The following EIF5B variants were observed in gnomAD, a reference collection of about 807,000 sequenced individuals.
The protein encoded by EIF5B is eukaryotic translation initiation factor 5B.
In EIF5B, 47 loss-of-function variants were observed where a neutral mutation model predicts 147.5. The observed-to-expected ratio is 0.32, with a 90% CI of 0.25 to 0.41. EIF5B has a LOEUF of 0.41. Among genes scored for constraint, EIF5B ranks in the 10% least tolerant of loss-of-function variants. The probability of loss-of-function intolerance (pLI) is 1.00; values close to 1 mark genes in which losing one functional copy is unlikely to be tolerated. For synonymous variants in EIF5B, 455 were observed against 456.2 expected (o/e 1.00, Z 0.03); for missense variants, 1,064 against 1,413.2 (o/e 0.75, Z 3.96).
intron 1 of EIF5B, 88 bp downstream of exon 1, chr2:99,337,677 C>T: frequency 6.8e-7 from 1 of 1,480,946 alleles, no homozygotes; most frequent in South Asian, 1.3e-5. Context: ...GGACCGGGGT[C>T]TGGGCTCGCG....
Position 99,394,703 on chromosome 2 carries a change from T to C in EIF5B, c.3090-16T>C. The C allele has an allele frequency of 6.2e-7, 1 of 1,608,878 alleles. No homozygotes were observed. The highest frequency in any genetic ancestry group is 8.5e-7 in the Non-Finnish European group (1 of 1,178,070). On this transcript the variant is annotated splice_polypyrimidine_tract_variant and intron_variant, in intron 20 of 23. Transcript: ENST00000289371. ...GTTTTTCACTGAATGGTCTTTGATGTGTTTTAACCTTTTAGGTATGCAGTA... is the reference window on the plus strand; with the variant it reads ...GTTTTTCACTGAATGGTCTTTGATGCGTTTTAACCTTTTAGGTATGCAGTA...
At chr2:99,397,826 C>T (rs924836595) in intron 22 of EIF5B, 2 of 152,182 alleles carry the variant, frequency 1.3e-5, no homozygotes, top group East Asian at 1.9e-4. Flanking sequence ...TTGCCTAAGT[C>T]AACTATTACG....
chr2:99,396,539 CTT>C (rs1213043932), intron 21 of EIF5B, among the ~76,000 whole-genome samples: 1 of 152,154 alleles, frequency 6.6e-6, no homozygotes, highest in Non-Finnish European at 1.5e-5. Context: ...AAAGCAAAGA[CTT>C]GGGAAGCAAC....
At chr2:99,366,088 TACAC>T (rs3838486) in intron 6 of EIF5B, among the ~76,000 whole-genome samples, 2 of 151,846 alleles carry the variant, frequency 1.3e-5, no homozygotes, top group Non-Finnish European at 2.9e-5. Flanking sequence ...ACTAAGCATA[TACAC>T]ACACACACAT....
chr2:99,344,270 G>A (rs938233214), intron 1 of EIF5B, among the ~76,000 whole-genome samples: 5 of 152,144 alleles, frequency 3.3e-5, no homozygotes, highest in African/African-American at 1.2e-4. Flanking sequence ...ATTTGTTGAA[G>A]AGAAGATTTC....
intron 12 of EIF5B, among the ~76,000 whole-genome samples, chr2:99,379,735 T>C (rs1165581230): frequency 2.0e-5 from 3 of 152,214 alleles, no homozygotes; most frequent in African/African-American, 7.2e-5. Flanking sequence ...TTTAAAATTT[T>C]GTTTCCTTCT....
intron 10 of EIF5B, among the ~76,000 whole-genome samples, chr2:99,378,531 A>G (rs1349390897): frequency 6.6e-6 from 1 of 152,226 alleles, no homozygotes; most frequent in Non-Finnish European, 1.5e-5. Flanking sequence ...GAAAGGTTTT[A>G]TAGCATTTGT....
chr2:99,383,705 C>T (rs528331071), intron 14 of EIF5B, among the ~76,000 whole-genome samples: 19 of 152,194 alleles, frequency 1.2e-4, no homozygotes, highest in Non-Finnish European at 2.6e-4. Context: ...ACAAGTTATC[C>T]AGAAACTCTA....
At chr2:99,368,628 G>A in intron 7 of EIF5B, 37 bp downstream of exon 7, 1 of 1,488,400 alleles carries the variant, frequency 6.7e-7, no homozygotes, top group Non-Finnish European at 9.3e-7. Context: ...TAGGAAATAT[G>A]TTGTTTGCCT....
chr2:99,397,504 TC>T (rs1675079257), intron 22 of EIF5B: 1 of 152,226 alleles, frequency 6.6e-6, no homozygotes, highest in Non-Finnish European at 1.5e-5. Context: ...TTTTGAAGTG[TC>T]CCTGTTGTTT....
intron 9 of EIF5B, among the ~76,000 whole-genome samples, chr2:99,375,952 A>G (rs931596396): frequency 6.6e-6 from 1 of 152,192 alleles, no homozygotes; most frequent in Non-Finnish European, 1.5e-5. Context: ...TAAAAAAAAT[A>G]TGAAGTAAGT....
intron 15 of EIF5B, among the ~76,000 whole-genome samples, 176 bp downstream of exon 15, chr2:99,390,025 T>G (rs556729008): frequency 6.6e-6 from 1 of 152,344 alleles, no homozygotes; most frequent in African/African-American, 2.4e-5. Context: ...ATACTTTAAT[T>G]TAGAAAACTG....
intron 18 of EIF5B, among the ~76,000 whole-genome samples, chr2:99,393,665 A>C (rs554062606): frequency 6.6e-6 from 1 of 152,336 alleles, no homozygotes; most frequent in Non-Finnish European, 1.5e-5. Context: ...TTATTTAGGC[A>C]GCATCAAGTC....
At chr2:99,395,338 C>T (rs1397057699) in intron 21 of EIF5B, among the ~76,000 whole-genome samples, 2 of 152,208 alleles carry the variant, frequency 1.3e-5, no homozygotes, top group African/African-American at 4.8e-5. Flanking sequence ...CAGCCTCCCT[C>T]CTCCTTTCCC....
chr2:99,380,043 GATACTCGA>G (rs1416868062), intron 12 of EIF5B, among the ~76,000 whole-genome samples: 1 of 152,110 alleles, frequency 6.6e-6, no homozygotes, highest in Non-Finnish European at 1.5e-5. Context: ...GCAAAATGTT[GATACTCGA>G]ACTCCATCAG....
intron 21 of EIF5B, among the ~76,000 whole-genome samples, chr2:99,396,531 A>G (rs1218573328): frequency 3.3e-5 from 5 of 152,184 alleles, no homozygotes; most frequent in Non-Finnish European, 7.3e-5. Flanking sequence ...AAGAGAAGAA[A>G]GCAAAGACTT....
At chr2:99,384,879 CCTT>C (rs370651832) in intron 14 of EIF5B, among the ~76,000 whole-genome samples, 4 of 152,064 alleles carry the variant, frequency 2.6e-5, no homozygotes, top group African/African-American at 9.7e-5. Flanking sequence ...GGTGGAGTCT[CCTT>C]CTGGTGAGGG....
intron 14 of EIF5B, among the ~76,000 whole-genome samples, chr2:99,389,107 C>T (rs1170800455): frequency 6.6e-6 from 1 of 152,144 alleles, no homozygotes; most frequent in Non-Finnish European, 1.5e-5. Flanking sequence ...TCCTTAGTAG[C>T]ATTCAGATTC....
chr2:99,385,585 T>A (rs1674787385), intron 14 of EIF5B, among the ~76,000 whole-genome samples: 2 of 152,228 alleles, frequency 1.3e-5, no homozygotes, highest in African/African-American at 2.4e-5. Flanking sequence ...TTGCTTTTTT[T>A]AAGAAGATAT....
Sources: allele counts gnomAD v4.1 joint callset (sites outside exome capture counted in the v4.1 genomes callset), GRCh38; gene constraint gnomAD v4.1.1; transcripts MANE v1.5; gene names NCBI Gene and HGNC (gene_info 2026-07-23, HGNC 2026-07-21).